Variants in SAMSN1 observed in about 807,000 individuals in gnomAD.
The protein encoded by SAMSN1 is SAM domain-containing protein SAMSN-1.
A neutral mutation model predicts 42.0 loss-of-function variants in SAMSN1; 31 were observed. That is an observed-to-expected ratio of 0.74 (90% CI 0.55 to 1.00). The LOEUF (loss-of-function observed/expected upper bound fraction) is 1.00. Ranked by LOEUF, SAMSN1 falls within the 50% of genes least tolerant of loss-of-function variation. SAMSN1 has a pLI of 0.00. For synonymous variants in SAMSN1, 178 were observed against 151.9 expected (o/e 1.17, Z -1.26); for missense variants, 464 against 439.4 (o/e 1.06, Z -0.50).
At chr21:14,632,965 G>T (rs899089600) in intron 2 of SAMSN1, among the ~76,000 whole-genome samples, 1 of 152,118 alleles carries the variant, frequency 6.6e-6, no homozygotes, top group Non-Finnish European at 1.5e-5. Context: ...GGCAACAGAG[G>T]CAGTCTGCTA....
At chr21:14,548,078 C>T (rs1435545246), upstream of SAMSN1, among the ~76,000 whole-genome samples, 1 of 152,094 alleles carries the variant, frequency 6.6e-6, no homozygotes, top group East Asian at 1.9e-4. Context: ...AGATCTTTTG[C>T]TTCATCTCTT....
intron 2 of SAMSN1, among the ~76,000 whole-genome samples, chr21:14,562,084 T>A (rs1980964414): frequency 6.6e-6 from 1 of 152,244 alleles, no homozygotes. Context: ...CAATATACTA[T>A]GCTCAATAGT....
intron 4 of SAMSN1, 98 bp downstream of exon 4, chr21:14,512,346 A>T: frequency 2.4e-6 from 3 of 1,246,710 alleles, no homozygotes; most frequent in Non-Finnish European, 3.5e-6. Context: ...TCTCTTATCA[A>T]GTAGCTGGAA....
chr21:14,575,742 G>GT (rs1291053151), intron 2 of SAMSN1, among the ~76,000 whole-genome samples: 1 of 152,140 alleles, frequency 6.6e-6, no homozygotes, highest in Non-Finnish European at 1.5e-5. Context: ...GAACACAGAG[G>GT]TTTTTTGGCA....
At chr21:14,550,350 A>G (rs369100551), upstream of SAMSN1, among the ~76,000 whole-genome samples, 69 of 152,224 alleles carry the variant, frequency 4.5e-4, 7 homozygotes, top group South Asian at 1.7e-3. Flanking sequence ...TGTGTTACTA[A>G]TTGAAAAGCT....
intron 2 of SAMSN1, among the ~76,000 whole-genome samples, chr21:14,629,692 A>C (rs1026991085): frequency 6.6e-6 from 1 of 152,174 alleles, no homozygotes; most frequent in Non-Finnish European, 1.5e-5. Context: ...GCCATAATCC[A>C]TCAGGAAGAG....
intron 3 of SAMSN1, among the ~76,000 whole-genome samples, 170 bp downstream of exon 3, chr21:14,516,722 C>A (rs1280155043): frequency 6.6e-6 from 1 of 152,142 alleles, no homozygotes; most frequent in Admixed American, 6.5e-5. Flanking sequence ...TCAGTTTCTT[C>A]TGTTAAAATG....
intron 7 of SAMSN1, among the ~76,000 whole-genome samples, chr21:14,489,303 CT>C (rs918824168): frequency 2.6e-5 from 4 of 152,134 alleles, no homozygotes; most frequent in Non-Finnish European, 5.9e-5. Context: ...TTCAGTGCAT[CT>C]TTTTATACTA....
At chr21:14,656,310 A>G (rs574993694) in intron 1 of SAMSN1, among the ~76,000 whole-genome samples, 2 of 151,964 alleles carry the variant, frequency 1.3e-5, no homozygotes, top group Admixed American at 1.3e-4. Flanking sequence ...CAGCAGAATT[A>G]TTAATATTTT....
chr21:14,528,366 C>A (rs1346242292), intron 1 of SAMSN1, among the ~76,000 whole-genome samples: 2 of 152,114 alleles, frequency 1.3e-5, no homozygotes, highest in African/African-American at 4.8e-5. Context: ...ATTATGCCAA[C>A]ACTTCCTTAA....
intron 1 of SAMSN1, among the ~76,000 whole-genome samples, chr21:14,651,671 T>G (rs1050021830): frequency 1.3e-5 from 2 of 152,022 alleles, no homozygotes; most frequent in African/African-American, 4.8e-5. Context: ...CTGGAAGTCC[T>G]AGCTAGAGAA....
intron 2 of SAMSN1, among the ~76,000 whole-genome samples, chr21:14,575,867 G>C (rs757717635): frequency 2.6e-5 from 4 of 152,084 alleles, no homozygotes; most frequent in Admixed American, 6.6e-5. Flanking sequence ...GTCCTCTCTA[G>C]CCTTAATTCT....
chr21:14,490,232 T>C (rs1986625936), intron 7 of SAMSN1, among the ~76,000 whole-genome samples: 1 of 152,136 alleles, frequency 6.6e-6, no homozygotes, highest in African/African-American at 2.4e-5. Context: ...AATTTTTTAA[T>C]AAACACAATG....
Position 14,498,577 on chromosome 21 carries a change from G to C in SAMSN1, c.784C>G (p.Leu262Val). The C allele has an allele frequency of 1.9e-6, 3 of 1,587,956 alleles. No homozygotes were observed. The highest frequency in any genetic ancestry group is 2.6e-6 in the Non-Finnish European group (3 of 1,172,448). Residue 262 changes from leucine to valine, a missense_variant, in exon 7 of 8, where the codon CTT becomes GTT. Leu to Val is a conservative substitution (Grantham distance 32, BLOSUM62 1). Coordinates refer to ENST00000400566, the MANE Select transcript of SAMSN1 (RefSeq NM_022136.5). ...RIHLQEYTSTLLLNGYETLED... is the reference protein window; with the variant it reads ...RIHLQEYTSTVLLNGYETLED... ...AGAGTCTCATAACCATTGAGCAAAA[G>C]TGTTGAGGTGTATTCCTGTAAGACA...
At position 14,512,558 on chromosome 21, in the gene SAMSN1, C is replaced by G. The variant is rs768677033; in HGVS notation, c.295G>C (p.Glu99Gln). The change falls in exon 4 of 8, where the codon GAG (glutamate) becomes CAG (glutamine). Residue 99 changes from glutamate (E) to glutamine (Q), a missense_variant. By Grantham distance (29) the Glu-to-Gln change is conservative. Coordinates refer to ENST00000400566, the MANE Select transcript of SAMSN1 (RefSeq NM_022136.5). ...CTGTTTCTATATGGGTGGGCATTCT[C>G]TCCATCTTCCTCATCCTTCAGAAAA... ...LSEEKDEEDG[E>Q]NAHPYRNSDP... 8 of 1,613,892 alleles carry G rather than the reference C, an allele frequency of 5.0e-6. No individual in the cohort carries two copies. Among genetic ancestry groups the G allele is most frequent in the Admixed American group, 1.7e-5 (1 of 60,014 alleles).
At chr21:14,619,853 G>A (rs549623450) in intron 2 of SAMSN1, among the ~76,000 whole-genome samples, 1 of 152,228 alleles carries the variant, frequency 6.6e-6, no homozygotes, top group East Asian at 1.9e-4. Context: ...TAATAAACTG[G>A]AGGGAATTTA....
intron 2 of SAMSN1, among the ~76,000 whole-genome samples, chr21:14,633,437 T>A (rs1024030672): frequency 9.2e-5 from 14 of 152,190 alleles, no homozygotes; most frequent in African/African-American, 3.1e-4. Context: ...CTGGTCTAAC[T>A]CTGTTAGTTT....
intron 1 of SAMSN1, among the ~76,000 whole-genome samples, chr21:14,645,866 C>A (rs1485066536): frequency 1.3e-5 from 2 of 152,114 alleles, no homozygotes; most frequent in African/African-American, 4.8e-5. Flanking sequence ...ATGCAATTGG[C>A]ACACTGAAGA....
intron 5 of SAMSN1, among the ~76,000 whole-genome samples, chr21:14,507,203 A>C (rs1987455784): frequency 6.6e-6 from 1 of 152,212 alleles, no homozygotes; most frequent in Non-Finnish European, 1.5e-5. Context: ...GCAATCAGAC[A>C]AGAGAAAGAA....
Sources: gnomAD v4.1 joint callset for allele counts (sites outside exome capture counted in the v4.1 genomes callset) on GRCh38, gnomAD v4.1.1 for gene constraint, MANE v1.5 for transcripts, NCBI Gene and HGNC (gene_info 2026-07-23, HGNC 2026-07-21) for gene names.